The following EIF2S2 variants were observed in gnomAD, a reference collection of about 807,000 sequenced individuals.
The protein encoded by EIF2S2 is eukaryotic translation initiation factor 2 subunit beta.
In EIF2S2, 4 loss-of-function variants were observed where a neutral mutation model predicts 44.0. The observed-to-expected ratio is 0.09, with a 90% CI of 0.04 to 0.21. The LOEUF is 0.21. EIF2S2 is among the 10% of genes least tolerant of loss of function. The probability of loss-of-function intolerance (pLI) is 1.00; values close to 1 mark genes in which losing one functional copy is unlikely to be tolerated. For synonymous variants in EIF2S2, 108 were observed against 128.3 expected, an observed-to-expected ratio of 0.84 and a Z score of 1.07; for missense variants, 154 against 392.0, an observed-to-expected ratio of 0.39 and a Z score of 5.13.
intron 3 of EIF2S2, among the ~76,000 whole-genome samples, chr20:34,101,675 C>CTT (rs891453441): frequency 2.9e-4 from 38 of 132,396 alleles, no homozygotes; most frequent in Middle Eastern, 3.9e-3. Context: ...AAGTATTTTT[C>CTT]TTTTTTTTTT....
At chr20:34,111,303 G>A (rs943875045) in intron 1 of EIF2S2, among the ~76,000 whole-genome samples, 2 of 152,234 alleles carry the variant, frequency 1.3e-5, no homozygotes, top group Non-Finnish European at 2.9e-5. Flanking sequence ...CCAATGTTAA[G>A]CAATACCTAC....
chr20:34,098,873 A>G (rs1164294939), intron 3 of EIF2S2, among the ~76,000 whole-genome samples: 1 of 152,064 alleles, frequency 6.6e-6, no homozygotes, highest in Non-Finnish European at 1.5e-5. Flanking sequence ...TTTGGCAGGG[A>G]AAAAAATCAC....
rs996869929 is a variant in EIF2S2 at position 34,108,932 on chromosome 20, T to C, written c.15+3164A>G. 3.3e-5 allele frequency among the ~76,000 whole-genome samples: 5 copies of C among 150,386 alleles called. No homozygotes were observed. In the South Asian group the frequency reaches 6.4e-4, roughly 19 times the overall value. On this transcript the variant is annotated intron_variant, in intron 1 of 8. Transcript: ENST00000374980. ...TTGCCATCTCTGTGTGATAGGATTG[T>C]GGGATTTTTTTTTTTTTTTTTAGGG... is the stretch of plus-strand genomic sequence containing the variant.
At chr20:34,104,960 T>TAA (rs2034331923) in intron 2 of EIF2S2, among the ~76,000 whole-genome samples, 1 of 152,210 alleles carries the variant, frequency 6.6e-6, no homozygotes, top group African/African-American at 2.4e-5. Flanking sequence ...GGTAAGTAAC[T>TAA]AAAGCTGGTG....
At chr20:34,101,162 C>T (rs1458076068) in intron 3 of EIF2S2, among the ~76,000 whole-genome samples, 1 of 152,136 alleles carries the variant, frequency 6.6e-6, no homozygotes, top group Non-Finnish European at 1.5e-5. Context: ...ACCAATCTGC[C>T]AGCCAGGCGC....
chr20:34,096,776 C>G lies in EIF2S2; in HGVS notation c.564G>C (p.Arg188Ser). ...CAGCAACCATATCTGGATTCTTTTC[C>G]CTCATGATGTTGAACACTCGATTCA... ...ELLNRVFNIMREKNPDMVAGE... is the reference protein window; with the variant it reads ...ELLNRVFNIMSEKNPDMVAGE... Residue 188 changes from arginine (R) to serine (S), a missense_variant, in exon 6 of 9, where the codon AGG (arginine) becomes AGC (serine). Physicochemically the swap from Arg to Ser is moderately radical, Grantham distance 110 (BLOSUM62 -1). Around this residue, in one of 2 missense-constraint regions of EIF2S2, gnomAD observed 134 missense variants for 225.0 expected, o/e 0.60. Coordinates refer to ENST00000374980, the MANE Select transcript of EIF2S2 (RefSeq NM_003908.5). 1 of 1,610,212 alleles carries G rather than the reference C, an allele frequency of 6.2e-7. No homozygotes were observed. The highest frequency in any genetic ancestry group is 2.2e-5 in the East Asian group (1 of 44,868).
chr20:34,097,369 G>A lies in EIF2S2; in HGVS notation c.534+47C>T, dbSNP rs373128708. 50 of 1,458,990 alleles carry A rather than the reference G, an allele frequency of 3.4e-5. 1 individual carries two copies. The highest frequency in any genetic ancestry group is 1.5e-4 in the South Asian group (13 of 86,052). 90.4% of individuals were successfully genotyped at this position (1,458,990 alleles called of 1,614,324 possible). ...TAAGATTTATCTTGCTCTTCTTTGA[G>A]CACTAGTGAATAGCTTAGCCCCTTT... On this transcript the variant is annotated intron_variant, in intron 5 of 8. Transcript: ENST00000374980.
intron 4 of EIF2S2, 148 bp from the exon 5 acceptor site, chr20:34,097,664 A>C: frequency 1.6e-6 from 1 of 625,836 alleles, no homozygotes; most frequent in Admixed American, 3.1e-5. Flanking sequence ...AAGAAACCAA[A>C]GCTCACAACC....
rs768357466 is a variant in EIF2S2 at position 34,089,846 on chromosome 20, G to A, written c.886C>T (p.Arg296Ter). 6.2e-7 allele frequency: 1 copy of A among 1,613,880 alleles called. No individual in the cohort carries two copies. The change falls in exon 9 of 9, where the codon CGA becomes TGA. Residue 296 changes from arginine (R) to a stop codon, truncating the protein, a stop_gained. Coordinates refer to ENST00000374980, the MANE Select transcript of EIF2S2 (RefSeq NM_003908.5). LOFTEE classifies it high-confidence loss of function. The part of the protein sequence containing the change: ...SPDTILQKDT[R>*]LYFLQCETCH... ...GTTTCGCACTGTAGGAAATAGAGTC[G>A]TGTGTCCTTCTGCAGGATTGTGTCC...
chr20:34,092,139 C>A (rs2034173321), intron 7 of EIF2S2, among the ~76,000 whole-genome samples: 1 of 152,172 alleles, frequency 6.6e-6, no homozygotes, highest in African/African-American at 2.4e-5. Flanking sequence ...AATCTCCAGG[C>A]TACAGTGATT....
At position 34,100,861 on chromosome 20, in the gene EIF2S2, T is replaced by C. The variant is rs1015573445; in HGVS notation, c.298-2228A>G. ...AACAGGGCATATTAAAACCTAGAAA[T>C]GAGTCATAAACATCCCAGAAGAGCA... On this transcript the variant is annotated intron_variant, in intron 3 of 8. Coordinates refer to ENST00000374980, the MANE Select transcript of EIF2S2 (RefSeq NM_003908.5). Among the ~76,000 whole-genome samples, 14 of 152,174 alleles carry C rather than the reference T, an allele frequency of 9.2e-5. 1 individual carries two copies. The highest frequency in any genetic ancestry group is 1.5e-4 in the Non-Finnish European group (10 of 68,024).
At chr20:34,110,611 T>C (rs1165353828) in intron 1 of EIF2S2, among the ~76,000 whole-genome samples, 1 of 152,210 alleles carries the variant, frequency 6.6e-6, no homozygotes, top group Non-Finnish European at 1.5e-5. Flanking sequence ...AATGCATTCA[T>C]ATTCCACTTC....
At chr20:34,094,740 TAAA>T (rs2034207703) in intron 6 of EIF2S2, among the ~76,000 whole-genome samples, 1 of 151,676 alleles carries the variant, frequency 6.6e-6, no homozygotes, top group Non-Finnish European at 1.5e-5. Context: ...ACATATAAAA[TAAA>T]AAACACAAAT....
At chr20:34,107,679 C>T (rs892258182) in intron 1 of EIF2S2, among the ~76,000 whole-genome samples, 1 of 152,094 alleles carries the variant, frequency 6.6e-6, no homozygotes, top group Non-Finnish European at 1.5e-5. Flanking sequence ...CAAAAGCTTC[C>T]CAAAATTGAT....
At chr20:34,091,333 A>G (rs2034159869) in intron 7 of EIF2S2, among the ~76,000 whole-genome samples, 1 of 152,236 alleles carries the variant, frequency 6.6e-6, no homozygotes, top group Admixed American at 6.5e-5. Context: ...ATTTTGATTC[A>G]GGCATGGTTA....
chr20:34,094,761 A>AAT (rs1382435086), intron 6 of EIF2S2, among the ~76,000 whole-genome samples: 1 of 152,206 alleles, frequency 6.6e-6, no homozygotes, highest in Non-Finnish European at 1.5e-5. Flanking sequence ...AATATAGAGC[A>AAT]ATGCCATTCA....
At chr20:34,093,967 T>C (rs2034198553) in intron 6 of EIF2S2, among the ~76,000 whole-genome samples, 1 of 152,208 alleles carries the variant, frequency 6.6e-6, no homozygotes, top group Admixed American at 6.5e-5. Context: ...CATAGCTCAC[T>C]GTAACCTCAA....
At chr20:34,103,075 T>C (rs1204038734) in intron 3 of EIF2S2, among the ~76,000 whole-genome samples, 2 of 152,188 alleles carry the variant, frequency 1.3e-5, no homozygotes. Context: ...TCTTTGCTGC[T>C]TAGAGGTACA....
intron 8 of EIF2S2, 113 bp from the exon 9 acceptor site, chr20:34,090,018 C>A: frequency 8.5e-7 from 1 of 1,178,704 alleles, no homozygotes; most frequent in Admixed American, 2.3e-5. Flanking sequence ...GAGAATTTAG[C>A]TGGGCACCCA....
Sources: gnomAD v4.1 joint callset for allele counts (sites outside exome capture counted in the v4.1 genomes callset) on GRCh38, gnomAD v4.1.1 for gene constraint, gnomAD v4.1.1 regional missense constraint, MANE v1.5 for transcripts, NCBI Gene and HGNC (gene_info 2026-07-23, HGNC 2026-07-21) for gene names.